SLC1A1: variants seen among roughly 807,000 people sequenced by gnomAD.
SLC1A1 encodes the protein solute carrier family 1 member 1, also known as excitatory amino acid transporter 3.
A neutral mutation model predicts 53.3 loss-of-function variants in SLC1A1; 43 were observed. The observed-to-expected ratio is 0.81, with a 90% CI of 0.63 to 1.04. The LOEUF is 1.04. Among genes scored for constraint, SLC1A1 ranks in the 50% least tolerant of loss-of-function variants. SLC1A1 has a pLI of 0.00. For missense variants in SLC1A1, 748 were observed against 664.9 expected, an observed-to-expected ratio of 1.12 and a Z score of -1.37; for synonymous variants, 307 against 243.2, an observed-to-expected ratio of 1.26 and a Z score of -2.44.
chr9:4,531,313 A>C (rs1041457119), intron 1 of SLC1A1, among the ~76,000 whole-genome samples: 4 of 152,202 alleles, frequency 2.6e-5, no homozygotes, highest in Non-Finnish European at 5.9e-5. Flanking sequence ...CTAGTCAAAG[A>C]AAGGGGTGAC....
chr9:4,539,059 A>C (rs1334455353), intron 1 of SLC1A1, among the ~76,000 whole-genome samples: 2 of 150,332 alleles, frequency 1.3e-5, no homozygotes, highest in Admixed American at 6.6e-5. Context: ...TATTTAATCA[A>C]GCCAAAATTA....
Position 4,556,297 on chromosome 9 carries a change from G to A in SLC1A1, c.233-5152G>A, listed in dbSNP as rs147766163. ...GGCCTCCCAAAGTGCTGGGATTACC[G>A]GCGTGAGCCACTACGCCCCGCCCCT... On this transcript the variant is annotated intron_variant, in intron 2 of 11. Transcript: ENST00000262352. The surrounding 1 kb of genome is among the most constrained non-coding windows in gnomAD (Gnocchi z 4.1). 1.8e-3 allele frequency among the ~76,000 whole-genome samples: 270 copies of A among 152,242 alleles called. 7 individuals carry two copies. In the East Asian group the frequency reaches 0.041, roughly 23 times the overall value.
chr9:4,544,827 C>T (rs1244265557), intron 2 of SLC1A1, 120 bp downstream of exon 2: 1 of 836,964 alleles, frequency 1.2e-6, no homozygotes. Flanking sequence ...TTCATCCTGG[C>T]TCAGAAGGTC....
chr9:4,578,241 G>A (rs1564064598), intron 10 of SLC1A1, among the ~76,000 whole-genome samples: 3 of 152,184 alleles, frequency 2.0e-5, no homozygotes, highest in Non-Finnish European at 1.5e-5. Context: ...TGGAATCGCG[G>A]CTACATCATG....
chr9:4,565,589 A>G (rs1377044939), intron 4 of SLC1A1, among the ~76,000 whole-genome samples: 1 of 152,212 alleles, frequency 6.6e-6, no homozygotes, highest in Non-Finnish European at 1.5e-5. Flanking sequence ...CATGATCATG[A>G]GAATAGCATG....
At chr9:4,539,964 G>A (rs1233390639) in intron 1 of SLC1A1, among the ~76,000 whole-genome samples, 1 of 152,200 alleles carries the variant, frequency 6.6e-6, no homozygotes, top group African/African-American at 2.4e-5. Context: ...TCCCCAGCAA[G>A]GGCCTCACTC....
At chr9:4,518,837 T>C (rs531965380) in intron 1 of SLC1A1, among the ~76,000 whole-genome samples, 5 of 152,358 alleles carry the variant, frequency 3.3e-5, no homozygotes, top group South Asian at 2.1e-4. Flanking sequence ...TTGTGATTTA[T>C]TGCATTTAAT....
chr9:4,572,083 C>A, intron 6 of SLC1A1, 121 bp from the exon 7 acceptor site: 1 of 841,636 alleles, frequency 1.2e-6, no homozygotes, highest in Non-Finnish European at 2.0e-6. Flanking sequence ...GTTTTGTTGA[C>A]TCTGCCTGGG....
intron 1 of SLC1A1, among the ~76,000 whole-genome samples, chr9:4,491,405 G>A (rs1225284980): frequency 6.6e-6 from 1 of 152,218 alleles, no homozygotes; most frequent in Non-Finnish European, 1.5e-5. Context: ...ACTGTGGCCC[G>A]CGGGAGGTCA....
At chr9:4,544,148 G>T (rs150327123) in intron 1 of SLC1A1, among the ~76,000 whole-genome samples, 150 of 152,220 alleles carry the variant, frequency 9.9e-4, no homozygotes, top group African/African-American at 3.6e-3. Flanking sequence ...TGTACTCTAG[G>T]CTGGGTGACA....
chr9:4,518,359 T>C lies in SLC1A1; in HGVS notation c.92-26208T>C, dbSNP rs140673330. On this transcript the variant is annotated intron_variant, in intron 1 of 11. Transcript: ENST00000262352. ...GGTTCTTCTACTGCATGGGGTTTTT[T>C]GTGGTTTTGTTTTTTTTTTGTTTTT... 5.9e-3 allele frequency among the ~76,000 whole-genome samples: 890 copies of C among 151,270 alleles called. 13 individuals are homozygous for C. Among genetic ancestry groups the C allele is most frequent in the African/African-American group, 0.02 (842 of 41,328 alleles).
intron 11 of SLC1A1, among the ~76,000 whole-genome samples, chr9:4,584,457 A>T (rs757684391): frequency 6.6e-6 from 1 of 152,172 alleles, no homozygotes; most frequent in South Asian, 2.1e-4. Flanking sequence ...CAAAGGTCCA[A>T]TTGGAGGTAT....
At chr9:4,527,197 C>T (rs902185610) in intron 1 of SLC1A1, among the ~76,000 whole-genome samples, 2 of 152,262 alleles carry the variant, frequency 1.3e-5, no homozygotes, top group South Asian at 2.1e-4. Flanking sequence ...ATCCTGAGAA[C>T]AGCATCATGA....
chr9:4,542,685 A>T (rs1178725702), intron 1 of SLC1A1, among the ~76,000 whole-genome samples: 1 of 152,186 alleles, frequency 6.6e-6, no homozygotes, highest in Non-Finnish European at 1.5e-5. Context: ...TCCTTAGGGC[A>T]TAATATAGGT....
chr9:4,579,911 G>T (rs1820897725), intron 10 of SLC1A1, among the ~76,000 whole-genome samples: 1 of 151,882 alleles, frequency 6.6e-6, no homozygotes, highest in East Asian at 1.9e-4. Flanking sequence ...GAAAAAAAAA[G>T]GATAAATTGT....
At chr9:4,546,307 G>C (rs1053836237) in intron 2 of SLC1A1, among the ~76,000 whole-genome samples, 3 of 152,152 alleles carry the variant, frequency 2.0e-5, no homozygotes, top group African/African-American at 4.8e-5. Context: ...CTAGCAACCT[G>C]ATTGACACAG....
chr9:4,584,849 C>T (rs1821442772), intron 11 of SLC1A1, among the ~76,000 whole-genome samples: 1 of 152,126 alleles, frequency 6.6e-6, no homozygotes, highest in Admixed American at 6.6e-5. Context: ...ACAAGTACAC[C>T]ATGGACCTGA....
intron 1 of SLC1A1, among the ~76,000 whole-genome samples, chr9:4,509,401 G>A (rs138847308): frequency 6.6e-6 from 1 of 152,072 alleles, no homozygotes; most frequent in Non-Finnish European, 1.5e-5. Flanking sequence ...GAGGCACCCA[G>A]GGATGAATAA....
chr9:4,518,579 TTTCA>T (rs1815949007), intron 1 of SLC1A1, among the ~76,000 whole-genome samples: 1 of 152,180 alleles, frequency 6.6e-6, no homozygotes. Context: ...TGTAGACATC[TTTCA>T]TTTGCTTAGA....
Sources: allele counts gnomAD v4.1 joint callset (sites outside exome capture counted in the v4.1 genomes callset), GRCh38; gene constraint gnomAD v4.1.1; non-coding constraint Gnocchi (gnomAD v3.1); transcripts MANE v1.5; gene names NCBI Gene and HGNC (gene_info 2026-07-23, HGNC 2026-07-21).